MELK: variants seen among roughly 807,000 people sequenced by gnomAD.
MELK encodes pEg3 kinase.
MELK carries 81 observed loss-of-function variants against 85.0 expected under a neutral mutation model. The observed-to-expected ratio is 0.95, with a 90% confidence interval of 0.80 to 1.15. MELK has a LOEUF of 1.15. Among genes scored for constraint, MELK ranks in the 50% most tolerant of loss-of-function variants. The probability of loss-of-function intolerance (pLI) is 0.00; values close to 1 mark genes in which losing one functional copy is unlikely to be tolerated. For synonymous variants in MELK, 252 were observed against 265.0 expected, an observed-to-expected ratio of 0.95 and a Z score of 0.48; for missense variants, 754 against 777.5, an observed-to-expected ratio of 0.97 and a Z score of 0.36.
intron 7 of MELK, among the ~76,000 whole-genome samples, chr9:36,605,093 T>G (rs1447408883): frequency 6.6e-6 from 1 of 152,162 alleles, no homozygotes; most frequent in Non-Finnish European, 1.5e-5. Context: ...GGTTTCACCA[T>G]GTTGGCCCTG....
chr9:36,602,093 G>A (rs1401728897), intron 7 of MELK, among the ~76,000 whole-genome samples: 4 of 152,064 alleles, frequency 2.6e-5, no homozygotes, highest in African/African-American at 4.8e-5. Flanking sequence ...ATTCAGAAGC[G>A]GAGTTGCTGG....
chr9:36,646,777 T>A (rs1324300904), intron 11 of MELK, among the ~76,000 whole-genome samples: 1 of 152,168 alleles, frequency 6.6e-6, no homozygotes, highest in Admixed American at 6.5e-5. Flanking sequence ...AGAGGAAGGG[T>A]AGGGGCCACT....
At chr9:36,600,415 A>T (rs531992493) in intron 7 of MELK, among the ~76,000 whole-genome samples, 12 of 151,240 alleles carry the variant, frequency 7.9e-5, no homozygotes, top group Non-Finnish European at 1.5e-4. Flanking sequence ...ATGGAGTCTC[A>T]CTCTGTTGCC....
At chr9:36,650,712 G>T (rs1445016965) in intron 11 of MELK, among the ~76,000 whole-genome samples, 1 of 152,206 alleles carries the variant, frequency 6.6e-6, no homozygotes. Context: ...ATTAAACCAA[G>T]AAAGAAGAAT....
chr9:36,575,445 A>G lies in MELK; in HGVS notation c.-39+2438A>G, dbSNP rs1166899230. ...TACAAATCAAGTATAATCTGCTATT[A>G]GTGTAGGAGTTTGTAATGTAAGCAC... On this transcript the variant is annotated intron_variant, in intron 1 of 17. Coordinates refer to ENST00000298048, the MANE Select transcript of MELK (RefSeq NM_014791.4). Among the ~76,000 whole-genome samples the G allele has an allele frequency of 1.3e-5, 2 of 152,190 alleles. 1 individual carries two copies. The highest frequency in any genetic ancestry group is 4.8e-5 in the African/African-American group (2 of 41,454).
chr9:36,632,264 G>A (rs946796069), intron 9 of MELK, among the ~76,000 whole-genome samples: 2 of 152,274 alleles, frequency 1.3e-5, no homozygotes, highest in Non-Finnish European at 2.9e-5. Context: ...GAGCCTCTGA[G>A]GGTGAAAGAT....
At chr9:36,651,109 T>G (rs369162505) in intron 11 of MELK, among the ~76,000 whole-genome samples, 1 of 152,186 alleles carries the variant, frequency 6.6e-6, no homozygotes, top group Non-Finnish European at 1.5e-5. Context: ...ATAACCACTA[T>G]CTTCAGTGCC....
chr9:36,628,568 T>G (rs1456804825), intron 8 of MELK, among the ~76,000 whole-genome samples: 1 of 150,374 alleles, frequency 6.7e-6, no homozygotes, highest in East Asian at 2.0e-4. Flanking sequence ...TACAGGTGCG[T>G]GCCACCACGC....
intron 8 of MELK, among the ~76,000 whole-genome samples, chr9:36,623,333 T>C (rs1260187661): frequency 6.6e-6 from 1 of 152,168 alleles, no homozygotes; most frequent in East Asian, 1.9e-4. Context: ...CTACAGAGGG[T>C]AAAATATATG....
chr9:36,583,387 T>C lies in MELK; in HGVS notation c.59-240T>C, dbSNP rs138677982. ...GGAAATTTAATTGCAGGATTATTCA[T>C]AAAGCAGATTTCTAAAGTGAGTTCT... On this transcript the variant is annotated intron_variant, in intron 2 of 17. Transcript: ENST00000298048. Among the ~76,000 whole-genome samples the C allele has an allele frequency of 4.3e-3, 650 of 151,364 alleles. 8 individuals are homozygous for C. Among genetic ancestry groups the C allele is most frequent in the East Asian group, 0.041 (213 of 5,160 alleles).
At chr9:36,638,730 A>G (rs1829450758) in intron 10 of MELK, among the ~76,000 whole-genome samples, 1 of 152,200 alleles carries the variant, frequency 6.6e-6, no homozygotes, top group African/African-American at 2.4e-5. Flanking sequence ...AGAGTCAGGC[A>G]CTATCCTATG....
intron 7 of MELK, among the ~76,000 whole-genome samples, chr9:36,604,505 T>A (rs1825280782): frequency 6.6e-6 from 1 of 151,830 alleles, no homozygotes; most frequent in South Asian, 2.1e-4. Flanking sequence ...GACTCAACCC[T>A]GGTGGGATTG....
intron 8 of MELK, among the ~76,000 whole-genome samples, chr9:36,628,426 A>ATT (rs954389548): frequency 6.8e-6 from 1 of 147,126 alleles, no homozygotes; most frequent in Non-Finnish European, 1.5e-5. Context: ...TTGTTAATGA[A>ATT]TTTTTTTTTT....
At chr9:36,605,393 G>C (rs1277550626) in intron 7 of MELK, among the ~76,000 whole-genome samples, 1 of 151,974 alleles carries the variant, frequency 6.6e-6, no homozygotes, top group African/African-American at 2.4e-5. Context: ...ATTTTTAGTA[G>C]AGATGGAGTT....
At chr9:36,664,895 T>C (rs937266822) in intron 13 of MELK, among the ~76,000 whole-genome samples, 3 of 152,230 alleles carry the variant, frequency 2.0e-5, no homozygotes, top group Non-Finnish European at 4.4e-5. Flanking sequence ...GGATTTTACT[T>C]ACTCTCTTGC....
intron 10 of MELK, among the ~76,000 whole-genome samples, chr9:36,637,257 C>T (rs570525273): frequency 2.0e-5 from 3 of 152,146 alleles, no homozygotes; most frequent in Non-Finnish European, 4.4e-5. Flanking sequence ...AAGCCCAGAG[C>T]CACTATGGAA....
At chr9:36,627,231 G>A (rs552103311) in intron 8 of MELK, among the ~76,000 whole-genome samples, 28 of 152,300 alleles carry the variant, frequency 1.8e-4, no homozygotes, top group Non-Finnish European at 3.1e-4. Flanking sequence ...TAAAGGTGAA[G>A]TGGAAAACAG....
intron 8 of MELK, among the ~76,000 whole-genome samples, chr9:36,629,359 A>T (rs73645810): frequency 0.019 from 2,913 of 152,186 alleles, 82 homozygotes; most frequent in African/African-American, 0.063. Context: ...GTGTAAAGAG[A>T]TATTCTATCA....
rs1824240332 is a variant in MELK, at chr9:36,596,384, T to C, written c.406-838T>C. 3.3e-5 allele frequency among the ~76,000 whole-genome samples: 5 copies of C among 151,760 alleles called. No individual in the cohort carries two copies. The South Asian group carries it at 1.0e-3, about 32-fold the overall frequency. On this transcript the variant is annotated intron_variant, in intron 5 of 17. Transcript: ENST00000298048. ...CATTCTCCTGCCTCAGCCTCCTGAGTAGCTGGGACTACAGGCGCCTGCCAC... is the reference window on the plus strand; with the variant it reads ...CATTCTCCTGCCTCAGCCTCCTGAGCAGCTGGGACTACAGGCGCCTGCCAC...
Sources: gnomAD v4.1 joint callset for allele counts (sites outside exome capture counted in the v4.1 genomes callset) on GRCh38, gnomAD v4.1.1 for gene constraint, MANE v1.5 for transcripts, NCBI Gene and HGNC (gene_info 2026-07-23, HGNC 2026-07-21) for gene names.